The following STRN3 variants were observed in gnomAD, a reference collection of about 807,000 sequenced individuals.
The protein encoded by STRN3 is striatin-3.
In STRN3, 29 loss-of-function variants were observed where a neutral mutation model predicts 95.6. The ratio of observed to expected loss-of-function variants is 0.30; its 90% CI spans 0.23 to 0.41. The LOEUF (loss-of-function observed/expected upper bound fraction) is 0.41, where lower values mean the gene tolerates loss of function less well. Ranked by LOEUF, STRN3 falls within the 10% of genes least tolerant of loss-of-function variation. The pLI, the probability that STRN3 is intolerant of heterozygous loss-of-function variation, is 1.00. For synonymous variants in STRN3, 331 were observed against 357.6 expected, an observed-to-expected ratio of 0.93 and a Z score of 0.84; for missense variants, 890 against 972.1, an observed-to-expected ratio of 0.92 and a Z score of 1.12.
chr14:30,915,475 AATG>A (rs1315222488), intron 9 of STRN3, among the ~76,000 whole-genome samples: 1 of 152,168 alleles, frequency 6.6e-6, no homozygotes. Context: ...TTAATCTTTC[AATG>A]ATGACACTTA....
chr14:31,013,535 G>A (rs560067542), intron 1 of STRN3, among the ~76,000 whole-genome samples: 2 of 152,204 alleles, frequency 1.3e-5, no homozygotes, highest in African/African-American at 2.4e-5. Flanking sequence ...ACTTGGCAGT[G>A]GGGGGTGGTA....
At chr14:30,933,181 A>G (rs1265011693) in intron 7 of STRN3, among the ~76,000 whole-genome samples, 2 of 144,746 alleles carry the variant, frequency 1.4e-5, no homozygotes, top group African/African-American at 5.0e-5. Context: ...CAGGAGACTG[A>G]GGTGGGAAGA....
rs991540692 is a variant in STRN3, at chr14:30,967,135, C to A, written c.283-10893G>T. Among the ~76,000 whole-genome samples, 9 of 151,816 alleles carry A rather than the reference C, an allele frequency of 5.9e-5. No individual in the cohort carries two copies. In the East Asian group the frequency reaches 1.2e-3, roughly 20 times the overall value. On this transcript the variant is annotated intron_variant, in intron 1 of 17. Transcript: ENST00000357479. ...AAGGGTTGAACCTGACACAACCCCC[C>A]ACCCCACCTTTTCCTTTCTTCTTGG...
intron 3 of STRN3, among the ~76,000 whole-genome samples, chr14:30,955,149 C>T (rs1441291320): frequency 6.6e-6 from 1 of 152,086 alleles, no homozygotes; most frequent in East Asian, 1.9e-4. Flanking sequence ...CTATGCCACT[C>T]CCATCTTGGT....
chr14:30,943,271 A>G (rs775990002), intron 5 of STRN3, among the ~76,000 whole-genome samples: 1 of 152,220 alleles, frequency 6.6e-6, no homozygotes, highest in Non-Finnish European at 1.5e-5. Context: ...ATGCATTAAG[A>G]AGAAAGCCTC....
At chr14:31,004,473 A>G (rs994908234) in intron 1 of STRN3, among the ~76,000 whole-genome samples, 3 of 152,084 alleles carry the variant, frequency 2.0e-5, no homozygotes, top group Non-Finnish European at 4.4e-5. Context: ...GTTAAAATAC[A>G]TAAGAATTTA....
chr14:30,984,638 C>T lies in STRN3; in HGVS notation c.283-28396G>A, dbSNP rs149658667. Among the ~76,000 whole-genome samples, 581 of 152,038 alleles carry T rather than the reference C, an allele frequency of 3.8e-3. 2 individuals are homozygous for T. The highest frequency in any genetic ancestry group is 0.013 in the African/African-American group (541 of 41,470). On this transcript the variant is annotated intron_variant, in intron 1 of 17. Transcript: ENST00000357479. ...ACCAAAAATACAAAAATTAGCTGGG[C>T]GTGGTGGCAGGCACCTGTAGTCCCA... is the stretch of plus-strand genomic sequence containing the variant.
At chr14:30,914,168 C>A (rs1000309046) in intron 9 of STRN3, among the ~76,000 whole-genome samples, 1 of 152,256 alleles carries the variant, frequency 6.6e-6, no homozygotes, top group Admixed American at 6.5e-5. Flanking sequence ...AAAACTAGTA[C>A]AAACATTGAA....
Position 30,936,597 on chromosome 14 carries a change from G to A in STRN3, c.744C>T (p.Phe248=), listed in dbSNP as rs1361548838. The A allele has an allele frequency of 6.2e-7, 1 of 1,613,518 alleles. No individual in the cohort carries two copies. The highest frequency in any genetic ancestry group is 2.2e-5 in the East Asian group (1 of 44,832). The change falls in exon 6 of 18, where the codon TTC becomes TTT. Residue 248 remains phenylalanine, a synonymous_variant. Coordinates refer to ENST00000357479, the MANE Select transcript of STRN3 (RefSeq NM_001083893.2). The part of the protein sequence containing the change: ...KRSSGDVLET[F]NFLENADDSD... ...TGTCATCGGCATTTTCTAAGAAATTGAACGTCTCAAGAACATCACCAGAGG... is the reference window on the plus strand; with the variant it reads ...TGTCATCGGCATTTTCTAAGAAATTAAACGTCTCAAGAACATCACCAGAGG...
chr14:30,954,692 G>A (rs1566455723), intron 3 of STRN3, among the ~76,000 whole-genome samples: 2 of 152,118 alleles, frequency 1.3e-5, no homozygotes, highest in Non-Finnish European at 2.9e-5. Flanking sequence ...AAAACAGATT[G>A]TCTTGCCACA....
chr14:30,942,543 G>A (rs1376328895), intron 5 of STRN3, among the ~76,000 whole-genome samples: 6 of 152,090 alleles, frequency 3.9e-5, no homozygotes, highest in South Asian at 2.1e-4. Context: ...TTCCAAACAC[G>A]GTTAAAAAAA....
At chr14:31,017,498 C>CAA (rs370718215) in intron 1 of STRN3, among the ~76,000 whole-genome samples, 4 of 97,706 alleles carry the variant, frequency 4.1e-5, no homozygotes, top group Non-Finnish European at 8.7e-5. Context: ...GACTCCGTCT[C>CAA]AAAAAAAAAA....
At chr14:31,003,034 T>C (rs541022675) in intron 1 of STRN3, among the ~76,000 whole-genome samples, 68 of 151,798 alleles carry the variant, frequency 4.5e-4, no homozygotes, top group African/African-American at 1.5e-3. Flanking sequence ...GAGGCCGAGG[T>C]GGACGGATCA....
intron 1 of STRN3, among the ~76,000 whole-genome samples, chr14:31,019,013 C>T (rs1188286059): frequency 6.6e-6 from 1 of 152,160 alleles, no homozygotes; most frequent in Non-Finnish European, 1.5e-5. Context: ...CCCAGCTACT[C>T]TGGAGGCTGA....
intron 5 of STRN3, among the ~76,000 whole-genome samples, chr14:30,941,919 C>T (rs1399308330): frequency 1.3e-5 from 2 of 152,214 alleles, no homozygotes; most frequent in Non-Finnish European, 2.9e-5. Flanking sequence ...AGCCACCATG[C>T]CCAGCCTGTG....
Position 30,894,942 on chromosome 14 carries a change from A to T in STRN3, c.*469T>A. ...ATAAGTTTAAAAGGGAATCTGTGGCATTCAACCGATAAACAGAAGATCACT... is the reference window on the plus strand; with the variant it reads ...ATAAGTTTAAAAGGGAATCTGTGGCTTTCAACCGATAAACAGAAGATCACT... On this transcript the variant is annotated 3_prime_UTR_variant, in exon 18 of 18. Coordinates refer to ENST00000357479, the MANE Select transcript of STRN3 (RefSeq NM_001083893.2). 9.1e-7 allele frequency: 1 copy of T among 1,095,422 alleles called. No individual in the cohort carries two copies. Among genetic ancestry groups the T allele is most frequent in the Non-Finnish European group, 1.2e-6 (1 of 867,222 alleles). The allele number at this position is 1,095,422 out of a possible 1,614,324, so 67.9% of individuals were successfully genotyped here.
chr14:30,965,789 A>C lies in STRN3; in HGVS notation c.283-9547T>G, dbSNP rs931357574. 1.4e-4 allele frequency among the ~76,000 whole-genome samples: 19 copies of C among 134,182 alleles called. No individual in the cohort carries two copies. In the South Asian group the frequency reaches 4.7e-3, roughly 33 times the overall value. The allele number at this position is 134,182 out of a possible 152,430, so 88.0% of individuals were successfully genotyped here. A position where few individuals can be genotyped will look rare whatever the true frequency, so the allele number is the denominator to read the frequency against. ...ATCTCAAAAAAAAAAAAAAAAAAAA[A>C]CAACAAACAAAAGTGCATGGGGCCA... is the stretch of plus-strand genomic sequence containing the variant. On this transcript the variant is annotated intron_variant, in intron 1 of 17. Transcript: ENST00000357479.
intron 1 of STRN3, among the ~76,000 whole-genome samples, chr14:31,013,488 G>T (rs1000653573): frequency 1.3e-5 from 2 of 152,080 alleles, no homozygotes; most frequent in African/African-American, 4.8e-5. Flanking sequence ...ACTAGAGAGG[G>T]ACACACACAG....
chr14:30,898,009 T>G (rs1235803288), intron 16 of STRN3, among the ~76,000 whole-genome samples: 1 of 152,194 alleles, frequency 6.6e-6, no homozygotes, highest in Non-Finnish European at 1.5e-5. Context: ...TTTGTATTTT[T>G]GAGACAGGGC....
Sources: allele counts gnomAD v4.1 joint callset (sites outside exome capture counted in the v4.1 genomes callset), GRCh38; gene constraint gnomAD v4.1.1; transcripts MANE v1.5; gene names NCBI Gene and HGNC (gene_info 2026-07-23, HGNC 2026-07-21).